The following TP63 variants were observed in gnomAD, a reference collection of about 807,000 sequenced individuals.
The protein encoded by TP63 is tumor protein 63.
In TP63, 17 loss-of-function variants were observed where a neutral mutation model predicts 82.8. The ratio of observed to expected loss-of-function variants is 0.21; its 90% CI spans 0.14 to 0.31. TP63 has a LOEUF of 0.31. Among genes scored for constraint, TP63 ranks in the 10% least tolerant of loss-of-function variants. The pLI, the probability that TP63 is intolerant of heterozygous loss-of-function variation, is 1.00. For synonymous variants in TP63, 330 were observed against 321.7 expected, an observed-to-expected ratio of 1.03 and a Z score of -0.28; for missense variants, 648 against 895.3, an observed-to-expected ratio of 0.72 and a Z score of 3.52.
At chr3:189,872,541 G>T (rs1345944252) in intron 9 of TP63, among the ~76,000 whole-genome samples, 1 of 151,766 alleles carries the variant, frequency 6.6e-6, no homozygotes, top group Non-Finnish European at 1.5e-5. Context: ...CCAATGAAAA[G>T]CACAAAAATG....
At chr3:189,782,228 T>C (rs2108577857) in intron 3 of TP63, among the ~76,000 whole-genome samples, 1 of 152,296 alleles carries the variant, frequency 6.6e-6, no homozygotes, top group East Asian at 1.9e-4. Context: ...GGAAAAGTGA[T>C]GTGTTATGCA....
At chr3:189,878,582 ATT>A (rs199868918) in intron 10 of TP63, among the ~76,000 whole-genome samples, 3 of 122,486 alleles carry the variant, frequency 2.4e-5, no homozygotes, top group African/African-American at 5.9e-5. Context: ...TATATATATA[ATT>A]TTTTTTTTCT....
chr3:189,631,885 A>C (rs1195562878), intron 1 of TP63, among the ~76,000 whole-genome samples: 2 of 152,152 alleles, frequency 1.3e-5, no homozygotes, highest in African/African-American at 4.8e-5. Context: ...ACTCAATAAG[A>C]AATTTCACTG....
chr3:189,651,476 G>T lies in TP63; in HGVS notation c.62+19899G>T, dbSNP rs574889276. Among the ~76,000 whole-genome samples the T allele has an allele frequency of 5.5e-5, 8 of 145,264 alleles. 3 individuals carry two copies. Among genetic ancestry groups the T allele is most frequent in the Non-Finnish European group, 1.2e-4 (8 of 66,956 alleles). On this transcript the variant is annotated intron_variant, in intron 1 of 13. Coordinates refer to ENST00000264731, the MANE Select transcript of TP63 (RefSeq NM_003722.5). Reference sequence around the variant, plus strand: ...CAGGAGAATCGGTTGAACCCAGGAGGCAGAGGTTGCAGTGAGCTGAGATTA... The same window carrying T: ...CAGGAGAATCGGTTGAACCCAGGAGTCAGAGGTTGCAGTGAGCTGAGATTA...
At chr3:189,822,667 A>G (rs529156462) in intron 4 of TP63, among the ~76,000 whole-genome samples, 46 of 152,306 alleles carry the variant, frequency 3.0e-4, no homozygotes, top group African/African-American at 1.0e-3. Context: ...CAATTTTGAG[A>G]TAAGTTAAAG....
chr3:189,644,562 G>T (rs76151703), intron 1 of TP63, among the ~76,000 whole-genome samples: 2 of 152,050 alleles, frequency 1.3e-5, no homozygotes, highest in Non-Finnish European at 2.9e-5. Context: ...TTGGGGGAAC[G>T]TGGTTTTTGG....
intron 4 of TP63, among the ~76,000 whole-genome samples, chr3:189,853,145 C>T (rs1715864454): frequency 6.6e-6 from 1 of 152,234 alleles, no homozygotes; most frequent in Non-Finnish European, 1.5e-5. Flanking sequence ...CCACTCTCAT[C>T]TTACACTTGG....
At chr3:189,747,012 A>T (rs1050870234) in intron 3 of TP63, among the ~76,000 whole-genome samples, 5 of 151,824 alleles carry the variant, frequency 3.3e-5, no homozygotes, top group Admixed American at 2.6e-4. Context: ...AACAAAGGTC[A>T]TTATGTAATA....
chr3:189,832,278 A>T (rs1363322325), intron 4 of TP63, among the ~76,000 whole-genome samples: 1 of 152,086 alleles, frequency 6.6e-6, no homozygotes, highest in African/African-American at 2.4e-5. Flanking sequence ...GTTGGGGTAT[A>T]CTGTTCTTCT....
intron 3 of TP63, among the ~76,000 whole-genome samples, chr3:189,806,224 C>G (rs1301593260): frequency 2.0e-5 from 3 of 151,628 alleles, no homozygotes; most frequent in Non-Finnish European, 4.4e-5. Context: ...CTCATCCAAG[C>G]CCACAATTAG....
chr3:189,855,996 C>G (rs1169203959), intron 4 of TP63, among the ~76,000 whole-genome samples: 1 of 151,706 alleles, frequency 6.6e-6, no homozygotes, highest in Admixed American at 6.6e-5. Context: ...GCTATCCACC[C>G]AAAGAGCTGC....
intron 4 of TP63, among the ~76,000 whole-genome samples, chr3:189,850,739 T>TA (rs1017674040): frequency 2.0e-5 from 3 of 151,918 alleles, no homozygotes; most frequent in Non-Finnish European, 2.9e-5. Context: ...ATAATAAAAA[T>TA]AAAAAAAATT....
chr3:189,850,211 G>A (rs1160377182), intron 4 of TP63, among the ~76,000 whole-genome samples: 3 of 152,066 alleles, frequency 2.0e-5, no homozygotes, highest in Admixed American at 1.3e-4. Flanking sequence ...GAACCCAGGA[G>A]GTGGGTGTTG....
At chr3:189,745,510 C>A (rs1721299497) in intron 3 of TP63, among the ~76,000 whole-genome samples, 1 of 151,630 alleles carries the variant, frequency 6.6e-6, no homozygotes, top group African/African-American at 2.4e-5. Context: ...AGATTGAGAC[C>A]ATCCTGATCA....
At chr3:189,719,176 G>A (rs534892485) in intron 1 of TP63, among the ~76,000 whole-genome samples, 1 of 152,164 alleles carries the variant, frequency 6.6e-6, no homozygotes, top group Non-Finnish European at 1.5e-5. Context: ...GGTGTTCTCG[G>A]TTTGGTAAAA....
chr3:189,882,220 G>C (rs1446755241), intron 10 of TP63, among the ~76,000 whole-genome samples: 1 of 151,958 alleles, frequency 6.6e-6, no homozygotes, highest in East Asian at 1.9e-4. Context: ...CTTTCAGAAG[G>C]GTTTTTCTTT....
chr3:189,867,735 C>A, intron 6 of TP63, 98 bp from the exon 7 acceptor site: 1 of 1,118,304 alleles, frequency 8.9e-7, no homozygotes, highest in Non-Finnish European at 1.3e-6. Context: ...CGTATCACTT[C>A]ATCAGAAGTG....
intron 4 of TP63, among the ~76,000 whole-genome samples, chr3:189,851,190 G>A (rs763999670): frequency 6.6e-6 from 1 of 152,180 alleles, no homozygotes; most frequent in Non-Finnish European, 1.5e-5. Flanking sequence ...ATGGTGAAGT[G>A]GCCAAAATGT....
At chr3:189,660,822 C>T (rs1713813199) in intron 1 of TP63, among the ~76,000 whole-genome samples, 1 of 131,018 alleles carries the variant, frequency 7.6e-6, no homozygotes, top group South Asian at 2.8e-4. Flanking sequence ...GTGTGTGTTC[C>T]TATTGTAAAT....
Sources: allele counts gnomAD v4.1 joint callset (sites outside exome capture counted in the v4.1 genomes callset), GRCh38; gene constraint gnomAD v4.1.1; transcripts MANE v1.5; gene names NCBI Gene and HGNC (gene_info 2026-07-23, HGNC 2026-07-21).